The following EME1 variants were observed in gnomAD, a reference collection of about 807,000 sequenced individuals.
EME1 encodes structure-specific endonuclease subunit EME1.
In EME1, 61 loss-of-function variants were observed where a neutral mutation model predicts 59.1. That is an observed-to-expected ratio of 1.03 (90% CI 0.84 to 1.28). The LOEUF is 1.28. Ranked by LOEUF, EME1 falls within the 50% of genes most tolerant of loss-of-function variation. EME1 has a pLI of 0.00. For synonymous variants in EME1, 230 were observed against 254.2 expected (o/e 0.90, Z 0.90); for missense variants, 635 against 682.6 (o/e 0.93, Z 0.78).
chr17:50,375,599 G>A lies in EME1; in HGVS notation c.391G>A (p.Ala131Thr). The A allele has an allele frequency of 1.3e-6, 2 of 1,591,662 alleles. No homozygotes were observed. Among genetic ancestry groups the A allele is most frequent in the Non-Finnish European group, 1.7e-6 (2 of 1,173,814 alleles). The change falls in exon 2 of 9, where the codon GCA becomes ACA. Residue 131 changes from alanine to threonine, a missense_variant. Coordinates refer to ENST00000338165, the MANE Select transcript of EME1 (RefSeq NM_152463.4). ...TTTGGATCATCAAAATAATGAAGGT[G>A]CATCATGTGACTGGAAAAAGCCCTT... ...SVLDHQNNEG[A>T]SCDWKKPFPK...
rs1027535845 is a variant in EME1, at chr17:50,377,356, G to A, written c.903+1163G>A. On this transcript the variant is annotated intron_variant, in intron 3 of 8. Transcript: ENST00000338165. ...TAAAAGCCTTGTTGAGGATCACAAC[G>A]GGAATGAGAACCCAGAGCTCCCCAA... Among the ~76,000 whole-genome samples the A allele has an allele frequency of 5.3e-5, 8 of 152,084 alleles. No homozygotes were observed. The South Asian group carries it at 6.2e-4, about 12-fold the overall frequency.
intron 3 of EME1, among the ~76,000 whole-genome samples, chr17:50,377,619 A>G (rs1350900429): frequency 1.3e-5 from 2 of 152,198 alleles, no homozygotes; most frequent in African/African-American, 4.8e-5. Flanking sequence ...TCTGTTTGTA[A>G]GGACCACTCG....
chr17:50,380,685 A>G, intron 8 of EME1, 78 bp from the exon 9 acceptor site: 1 of 1,593,122 alleles, frequency 6.3e-7, no homozygotes, highest in Non-Finnish European at 8.6e-7. Context: ...CCCCAAGCCA[A>G]GCGTAGCACC....
chr17:50,381,208 A>AGCCC lies in EME1; in HGVS notation c.*270_*273dup, dbSNP rs1913824119. On this transcript the variant is annotated 3_prime_UTR_variant, in exon 9 of 9. Coordinates refer to ENST00000338165, the MANE Select transcript of EME1 (RefSeq NM_152463.4). ...AAACCACCCCCACTCCTACCCAGCC[A>AGCCC]GCCCTCAAAACACAAAGGAACAAAG... 4.5e-6 allele frequency: 2 copies of AGCCC among 444,052 alleles called. No homozygotes were observed. The highest frequency in any genetic ancestry group is 8.1e-6 in the Non-Finnish European group (2 of 245,866). 27.5% of individuals were successfully genotyped at this position (444,052 alleles called of 1,614,324 possible). A position where few individuals can be genotyped will look rare whatever the true frequency, so the allele number is the denominator to read the frequency against.
At position 50,375,563 on chromosome 17, in the gene EME1, G is replaced by T; in HGVS notation, c.355G>T (p.Val119Phe). The change falls in exon 2 of 9, where the codon GTT becomes TTT. Residue 119 changes from valine (V) to phenylalanine (F), a missense_variant. Coordinates refer to ENST00000338165, the MANE Select transcript of EME1 (RefSeq NM_152463.4). Reference sequence around the variant, plus strand: ...GAGCCCTGAGGACTCTAGCTCCCCAGTTAAAAGTGTTTTGGATCATCAAAA... The same window carrying T: ...GAGCCCTGAGGACTCTAGCTCCCCATTTAAAAGTGTTTTGGATCATCAAAA... ...QLSPEDSSSP[V>F]KSVLDHQNNE... The T allele has an allele frequency of 6.2e-7, 1 of 1,614,116 alleles. No individual in the cohort carries two copies.
Position 50,375,462 on chromosome 17 carries a change from G to A in EME1, c.254G>A (p.Ser85Asn). ...TQTQPVRLLS[S>N]ESEDEEEFIP... ...ACACAGCCAGTCAGGTTGCTAAGCA[G>A]TGAAAGTGAAGATGAAGAAGAATTT... Residue 85 changes from serine (S) to asparagine (N), a missense_variant, in exon 2 of 9, where the codon AGT (serine) becomes AAT (asparagine). Transcript: ENST00000338165. 1 of 1,614,110 alleles carries A rather than the reference G, an allele frequency of 6.2e-7. No individual in the cohort carries two copies. The highest frequency in any genetic ancestry group is 1.3e-5 in the African/African-American group (1 of 75,042).
intron 3 of EME1, 84 bp from the exon 4 acceptor site, chr17:50,378,511 C>A: frequency 7.5e-7 from 1 of 1,333,044 alleles, no homozygotes; most frequent in Non-Finnish European, 1.1e-6. Context: ...TTAGTTCATT[C>A]ACCCAGAAGA....
intron 1 of EME1, among the ~76,000 whole-genome samples, chr17:50,373,930 C>G (rs547877235): frequency 6.6e-6 from 1 of 152,352 alleles, no homozygotes; most frequent in African/African-American, 2.4e-5. Flanking sequence ...ACTACTGATA[C>G]AGGCTACATC....
At chr17:50,379,909 G>A (rs946188958) in intron 7 of EME1, 1 of 314,162 alleles carries the variant, frequency 3.2e-6, no homozygotes, top group Non-Finnish European at 6.0e-6. Flanking sequence ...AGTTCAAGAA[G>A]TGTTCACTGT....
chr17:50,375,122 G>A, intron 1 of EME1, 63 bp from the exon 2 acceptor site: 1 of 1,325,440 alleles, frequency 7.5e-7, no homozygotes. Context: ...CCTGGCTATG[G>A]AACACAGCTA....
intron 5 of EME1, 23 bp from the exon 6 acceptor site, chr17:50,379,084 T>G: frequency 1.2e-6 from 2 of 1,614,160 alleles, no homozygotes; most frequent in Non-Finnish European, 1.7e-6. Flanking sequence ...GCTGCTGTTC[T>G]TTGATTTCCT....
Position 50,381,110 on chromosome 17 carries a change from CAG to C in EME1, c.*175_*176del, listed in dbSNP as rs1299708750. On this transcript the variant is annotated 3_prime_UTR_variant, in exon 9 of 9. Transcript: ENST00000338165. The stretch of plus-strand genomic sequence containing the variant: ...AGGTCTCTCTGCCTGTCGGCTGGGG[CAG>C]AGACTGAAATACTGCCACCTACCTT... 9.6e-6 allele frequency: 7 copies of C among 725,592 alleles called. No individual in the cohort carries two copies. Among genetic ancestry groups the C allele is most frequent in the Non-Finnish European group, 1.3e-5 (6 of 455,302 alleles). 44.9% of individuals were successfully genotyped at this position (725,592 alleles called of 1,614,324 possible). A position where few individuals can be genotyped will look rare whatever the true frequency, so the allele number is the denominator to read the frequency against.
Position 50,379,100 on chromosome 17 carries a change from G to C in EME1, c.1113-7G>C, listed in dbSNP as rs1913637933. 1 of 1,614,106 alleles carries C rather than the reference G, an allele frequency of 6.2e-7. No individual in the cohort carries two copies. Among genetic ancestry groups the C allele is most frequent in the Non-Finnish European group, 8.5e-7 (1 of 1,180,030 alleles). On this transcript the variant is annotated splice_region_variant and splice_polypyrimidine_tract_variant and intron_variant, in intron 5 of 8. Coordinates refer to ENST00000338165, the MANE Select transcript of EME1 (RefSeq NM_152463.4). ...CTGCTGTTCTTTGATTTCCTCCCCT[G>C]CACCAGTGCTCAGAATCCTCCAAGA...
chr17:50,373,253 G>A lies in EME1; in HGVS notation c.-49G>A. On this transcript the variant is annotated 5_prime_UTR_variant, in exon 1 of 9. Transcript: ENST00000338165. ...TACTTCCGGGCCCTGCGTGGCAGTT[G>A]AAAGAGTGGCGGGAGAAGTTGCAGG... The A allele has an allele frequency of 1.3e-6, 2 of 1,577,248 alleles. No homozygotes were observed. The highest frequency in any genetic ancestry group is 1.3e-5 in the African/African-American group (1 of 74,264).
At chr17:50,378,299 C>T (rs1913577459) in intron 3 of EME1, among the ~76,000 whole-genome samples, 1 of 151,240 alleles carries the variant, frequency 6.6e-6, no homozygotes, top group Admixed American at 6.6e-5. Flanking sequence ...TCTCCGACCT[C>T]GTGATCTGCC....
chr17:50,380,180 C>A, intron 7 of EME1, 132 bp from the exon 8 acceptor site: 2 of 873,876 alleles, frequency 2.3e-6, no homozygotes, highest in Non-Finnish European at 1.7e-6. Flanking sequence ...TTGTCAAAGG[C>A]ACAAAAAGGC....
Position 50,379,135 on chromosome 17 carries a change from CAG to C in EME1, c.1142_1143del (p.Gln381ArgfsTer4), listed in dbSNP as rs1913641997. On this transcript the variant is annotated frameshift_variant, in exon 6 of 9. Transcript: ENST00000338165. LOFTEE classifies it high-confidence loss of function. Reference protein sequence around the residue: ...SAQNPPRRGKQGANKQTKKQQ... With the variant: ...SAQNPPRRGKXGANKQTKKQQ... ...TCAGAATCCTCCAAGAAGAGGGAAA[CAG>C]GGAGCAAATAAACAGACCAAGAAGC... 6.2e-7 allele frequency: 1 copy of C among 1,614,012 alleles called. No individual in the cohort carries two copies.
At chr17:50,379,800 A>G in intron 7 of EME1, 1 of 492,432 alleles carries the variant, frequency 2.0e-6, no homozygotes, top group South Asian at 2.7e-5. Flanking sequence ...CTGCAGGCTG[A>G]TATCATAGGC....
chr17:50,379,601 G>T (rs754759227), intron 7 of EME1, 34 bp downstream of exon 7: 1 of 1,584,314 alleles, frequency 6.3e-7, no homozygotes, highest in Admixed American at 1.7e-5. Flanking sequence ...CCTCCATGCT[G>T]GGCCTGTCCT....
Sources: gnomAD v4.1 joint callset for allele counts (sites outside exome capture counted in the v4.1 genomes callset) on GRCh38, gnomAD v4.1.1 for gene constraint, MANE v1.5 for transcripts, NCBI Gene and HGNC (gene_info 2026-07-23, HGNC 2026-07-21) for gene names.